Variants in AUH observed in about 807,000 individuals in gnomAD.
AUH encodes the protein AU RNA binding methylglutaconyl-CoA hydratase, also known as methylglutaconyl-CoA hydratase, mitochondrial.
A neutral mutation model predicts 42.3 loss-of-function variants in AUH; 29 were observed. The ratio of observed to expected loss-of-function variants is 0.69; its 90% CI spans 0.51 to 0.93. The LOEUF (loss-of-function observed/expected upper bound fraction) is 0.93, where lower values mean the gene tolerates loss of function less well. AUH is among the 40% of genes least tolerant of loss of function. The pLI is 0.00. For missense variants in AUH, 452 were observed against 438.1 expected, an observed-to-expected ratio of 1.03 and a Z score of -0.28; for synonymous variants, 174 against 166.4, an observed-to-expected ratio of 1.05 and a Z score of -0.35.
chr9:91,346,523 A>G (rs1831523890), intron 3 of AUH, among the ~76,000 whole-genome samples: 1 of 152,154 alleles, frequency 6.6e-6, no homozygotes, highest in South Asian at 2.1e-4. Context: ...ATAGTAAATA[A>G]AGCACTTTCC....
At chr9:91,269,282 T>A (rs938344802) in intron 6 of AUH, among the ~76,000 whole-genome samples, 14 of 152,368 alleles carry the variant, frequency 9.2e-5, no homozygotes, top group African/African-American at 3.4e-4. Flanking sequence ...CCAAGCCAGA[T>A]AATTAATATT....
Position 91,298,049 on chromosome 9 carries a change from G to A in AUH, c.533C>T (p.Ala178Val). 1 of 1,613,862 alleles carries A rather than the reference G, an allele frequency of 6.2e-7. No individual in the cohort carries two copies. Among genetic ancestry groups the A allele is most frequent in the Non-Finnish European group, 8.5e-7 (1 of 1,179,818 alleles). ...ACCACCTAAAGCGAGTCCATCTATT[G>A]CTGCAATTGTTGGTACTGGAAGATT... ...IANLPVPTIA[A>V]IDGLALGGGL... The change falls in exon 5 of 10, where the codon GCA becomes GTA. Residue 178 changes from alanine (A) to valine (V), a missense_variant. Ala to Val is a moderately conservative substitution (Grantham distance 64). Coordinates refer to ENST00000375731, the MANE Select transcript of AUH (RefSeq NM_001698.3).
At chr9:91,227,728 T>C (rs1214821200) in intron 6 of AUH, among the ~76,000 whole-genome samples, 30 of 151,960 alleles carry the variant, frequency 2.0e-4, no homozygotes, top group Admixed American at 2.0e-3. Flanking sequence ...ATATGTCCCA[T>C]CAATACCTAA....
Position 91,361,628 on chromosome 9 carries a change from C to T in AUH, c.262G>A (p.Gly88Arg). Residue 88 changes from glycine (G) to arginine (R), a missense_variant and splice_region_variant, in exon 1 of 10, where the codon GGA (glycine) becomes AGA (arginine). Coordinates refer to ENST00000375731, the MANE Select transcript of AUH (RefSeq NM_001698.3). ...RVRHLEEENR[G>R]IVVLGINRAY... ...CGCCTGCCCAGCGTTCGCACCTCAC[C>T]TCGGTTCTCCTCCTCCAGGTGCCGC... 6.3e-7 allele frequency: 1 copy of T among 1,580,676 alleles called. No homozygotes were observed. Among genetic ancestry groups the T allele is most frequent in the Non-Finnish European group, 8.6e-7 (1 of 1,164,272 alleles).
chr9:91,284,318 C>T (rs781228694), intron 6 of AUH, among the ~76,000 whole-genome samples: 35 of 151,888 alleles, frequency 2.3e-4, no homozygotes, highest in African/African-American at 6.5e-4. Context: ...TAATTCAAGA[C>T]GGATTAAAGA....
chr9:91,225,946 A>G (rs1395749844), intron 6 of AUH, among the ~76,000 whole-genome samples: 2 of 149,822 alleles, frequency 1.3e-5, no homozygotes, highest in Non-Finnish European at 3.0e-5. Context: ...AATCCAGTCT[A>G]TCATTGTTGG....
intron 4 of AUH, among the ~76,000 whole-genome samples, chr9:91,313,667 T>TGCAGTCC (rs1341314540): frequency 7.5e-6 from 1 of 134,026 alleles, no homozygotes; most frequent in Non-Finnish European, 1.5e-5. Context: ...ATTGCGCCAC[T>TGCAGTCC]GCAGTCCGCA....
intron 6 of AUH, among the ~76,000 whole-genome samples, chr9:91,225,773 A>G (rs753285242): frequency 6.7e-6 from 1 of 148,178 alleles, no homozygotes; most frequent in Non-Finnish European, 1.5e-5. Flanking sequence ...TCATTGTTCA[A>G]TTCCCACCTA....
intron 3 of AUH, among the ~76,000 whole-genome samples, chr9:91,350,496 C>T (rs1336641963): frequency 2.0e-5 from 3 of 152,144 alleles, no homozygotes; most frequent in African/African-American, 4.8e-5. Flanking sequence ...CAGTGGCTCG[C>T]GCCTGTAATC....
At chr9:91,330,238 G>C (rs1309911068) in intron 3 of AUH, among the ~76,000 whole-genome samples, 2 of 149,266 alleles carry the variant, frequency 1.3e-5, no homozygotes, top group African/African-American at 4.9e-5. Context: ...CAAAAATCAA[G>C]GAGTGAAAGA....
intron 3 of AUH, 105 bp downstream of exon 3, chr9:91,355,778 G>T: frequency 1.0e-6 from 1 of 973,888 alleles, no homozygotes; most frequent in Non-Finnish European, 1.6e-6. Flanking sequence ...AAGAGGAGTT[G>T]TTGGTAATGG....
At chr9:91,256,572 G>A (rs1191628185) in intron 6 of AUH, among the ~76,000 whole-genome samples, 1 of 151,994 alleles carries the variant, frequency 6.6e-6, no homozygotes, top group African/African-American at 2.4e-5. Context: ...GCCTCTGCTT[G>A]CTCCTTCCCC....
chr9:91,330,565 G>T (rs1021397227), intron 3 of AUH, among the ~76,000 whole-genome samples: 1 of 152,142 alleles, frequency 6.6e-6, no homozygotes, highest in South Asian at 2.1e-4. Context: ...ATTTTGGAAA[G>T]CAATTCCACT....
chr9:91,275,099 AC>A (rs1293170759), intron 6 of AUH, among the ~76,000 whole-genome samples: 1 of 152,176 alleles, frequency 6.6e-6, no homozygotes, highest in Non-Finnish European at 1.5e-5. Flanking sequence ...ATCTACCAGA[AC>A]CCTTTCAAAG....
At chr9:91,260,144 T>C (rs757828845) in intron 6 of AUH, among the ~76,000 whole-genome samples, 5 of 152,172 alleles carry the variant, frequency 3.3e-5, no homozygotes, top group Admixed American at 1.3e-4. Flanking sequence ...GGTGTTAACA[T>C]AGCTGCTCCA....
chr9:91,361,876 A>G lies in AUH; in HGVS notation c.14T>C (p.Val5Ala). ...TCCCAAGGCCCCAGGTGCCGCCGCC[A>G]CCGCGGCCGCCATGTTGTCTGTTTA... Reference protein sequence around the residue: MAAAVAAAPGALGSL... With the variant: MAAAAAAAPGALGSL... Residue 5 changes from valine to alanine, a missense_variant, in exon 1 of 10, where the codon GTG (valine) becomes GCG (alanine). Physicochemically the swap from Val to Ala is moderately conservative, Grantham distance 64 (BLOSUM62 0). Transcript: ENST00000375731. The G allele has an allele frequency of 6.8e-7, 1 of 1,465,618 alleles. No individual in the cohort carries two copies. The highest frequency in any genetic ancestry group is 9.0e-7 in the Non-Finnish European group (1 of 1,115,066). 90.8% of individuals were successfully genotyped at this position (1,465,618 alleles called of 1,614,324 possible).
At chr9:91,291,540 T>C (rs1397190759) in intron 6 of AUH, among the ~76,000 whole-genome samples, 1 of 152,254 alleles carries the variant, frequency 6.6e-6, no homozygotes, top group Non-Finnish European at 1.5e-5. Flanking sequence ...TGTTTTTTAT[T>C]AGTCACAGTG....
chr9:91,324,538 AAAACCAAAT>A (rs1252994996), intron 4 of AUH, among the ~76,000 whole-genome samples: 73 of 146,856 alleles, frequency 5.0e-4, no homozygotes, highest in African/African-American at 1.8e-3. Context: ...AAAAAAAACT[AAAACCAAAT>A]AAAAAAAAAA....
intron 3 of AUH, among the ~76,000 whole-genome samples, chr9:91,333,104 G>A (rs545175139): frequency 1.3e-5 from 2 of 152,144 alleles, no homozygotes; most frequent in African/African-American, 2.4e-5. Flanking sequence ...CTCCAGGGAG[G>A]GGGTATTACA....
Sources: gnomAD v4.1 joint callset for allele counts (sites outside exome capture counted in the v4.1 genomes callset) on GRCh38, gnomAD v4.1.1 for gene constraint, MANE v1.5 for transcripts, NCBI Gene and HGNC (gene_info 2026-07-23, HGNC 2026-07-21) for gene names.